ATP2B2: variants seen among roughly 807,000 people sequenced by gnomAD.
The protein encoded by ATP2B2 is plasma membrane calcium-transporting ATPase 2.
In ATP2B2, 15 loss-of-function variants were observed where a neutral mutation model predicts 120.0. That is an observed-to-expected ratio of 0.12 (90% CI 0.08 to 0.19). The LOEUF is 0.19. ATP2B2 is among the 10% of genes least tolerant of loss of function. ATP2B2 has a pLI of 1.00. For synonymous variants in ATP2B2, 694 were observed against 700.3 expected, an observed-to-expected ratio of 0.99 and a Z score of 0.14; for missense variants, 1,045 against 1,719.8, an observed-to-expected ratio of 0.61 and a Z score of 6.94.
intron 2 of ATP2B2, among the ~76,000 whole-genome samples, chr3:10,432,577 C>T (rs1365176538): frequency 6.6e-6 from 1 of 152,254 alleles, no homozygotes; most frequent in African/African-American, 2.4e-5. Context: ...ACTTGCTCAA[C>T]ACTTTCCCCT....
In ATP2B2 at chr3:10,375,838, T is replaced by C. The variant is rs1192555848; in HGVS notation, c.1202-194A>G. ...CTCACCGAGCCTCAGTCTCCTGCTC[T>C]GTACAATGGGGATGCATACTTCCTC... On this transcript the variant is annotated intron_variant, in intron 10 of 22. Coordinates refer to ENST00000360273, the MANE Select transcript of ATP2B2 (RefSeq NM_001001331.4). This position sits in a 1 kb window ranked among gnomAD's most constrained non-coding sequence, Gnocchi z 4.2. Among the ~76,000 whole-genome samples the C allele has an allele frequency of 6.6e-6, 1 of 152,310 alleles. No individual in the cohort carries two copies. The highest frequency in any genetic ancestry group is 1.9e-4 in the East Asian group (1 of 5,178).
intron 1 of ATP2B2, among the ~76,000 whole-genome samples, chr3:10,633,421 C>A (rs73811972): frequency 6.6e-6 from 1 of 152,156 alleles, no homozygotes; most frequent in African/African-American, 2.4e-5. Context: ...AGTCTCACCC[C>A]ACTGGAGAAC....
chr3:10,549,081 G>A (rs564723868), intron 2 of ATP2B2, among the ~76,000 whole-genome samples: 1 of 152,282 alleles, frequency 6.6e-6, no homozygotes, highest in African/African-American at 2.4e-5. Flanking sequence ...TGGGATTGTG[G>A]GGATCAGGTT....
chr3:10,482,325 C>A (rs2065447514), intron 1 of ATP2B2, among the ~76,000 whole-genome samples: 1 of 152,184 alleles, frequency 6.6e-6, no homozygotes. Context: ...AGCACTGGCA[C>A]CCAGCTCTAC....
intron 1 of ATP2B2, among the ~76,000 whole-genome samples, chr3:10,648,715 G>A (rs1207023948): frequency 6.6e-6 from 1 of 152,098 alleles, no homozygotes; most frequent in South Asian, 2.1e-4. Context: ...GACATAACCT[G>A]GGAGAAACTC....
In ATP2B2 at chr3:10,616,642, C is replaced by T. The variant is rs1007430924; in HGVS notation, c.-415+3275G>A. 4.6e-5 allele frequency among the ~76,000 whole-genome samples: 7 copies of T among 152,038 alleles called. No individual in the cohort carries two copies. The South Asian group carries it at 1.5e-3, about 32-fold the overall frequency. ...AAAGAGCACTTTAGAATGAAAAGTG[C>T]CAACATAACCATTTTTCTTATACAG... On this transcript the variant is annotated intron_variant, in intron 2 of 21. Coordinates refer to the ATP2B2 transcript ENST00000646379.
At chr3:10,578,298 C>G (rs553859984) in intron 2 of ATP2B2, among the ~76,000 whole-genome samples, 1 of 152,212 alleles carries the variant, frequency 6.6e-6, no homozygotes, top group South Asian at 2.1e-4. Flanking sequence ...TATGGCCCAG[C>G]AATCCCACTC....
At chr3:10,517,518 A>G (rs4684042) in intron 3 of ATP2B2, among the ~76,000 whole-genome samples, 9,457 of 152,212 alleles carry the variant, frequency 0.062, 484 homozygotes, top group African/African-American at 0.14. Flanking sequence ...CTATAACACT[A>G]TGGACTCATT....
chr3:10,393,762 T>TC (rs56758564), intron 5 of ATP2B2, among the ~76,000 whole-genome samples: 152,314 of 152,314 alleles, frequency 1, 76,157 homozygotes, highest in Non-Finnish European at 1. Flanking sequence ...CAAGCTTCTG[T>TC]CCTGTCCTGG....
At chr3:10,444,340 C>T (rs1414300195) in intron 2 of ATP2B2, among the ~76,000 whole-genome samples, 1 of 152,220 alleles carries the variant, frequency 6.6e-6, no homozygotes, top group Non-Finnish European at 1.5e-5. Flanking sequence ...AATGTGGCAA[C>T]AACACACGGA....
At chr3:10,508,568 T>C (rs1005037687), upstream of ATP2B2, among the ~76,000 whole-genome samples, 36 of 152,224 alleles carry the variant, frequency 2.4e-4, no homozygotes, top group African/African-American at 8.7e-4. Context: ...AACCGAAGCC[T>C]CAAGAAAAAG....
chr3:10,500,662 C>T (rs940438683), intron 1 of ATP2B2, among the ~76,000 whole-genome samples: 1 of 152,270 alleles, frequency 6.6e-6, no homozygotes, highest in African/African-American at 2.4e-5. Flanking sequence ...GCTAGGGAGA[C>T]AAGGGACAGG....
At chr3:10,485,615 C>T (rs1012741376) in intron 1 of ATP2B2, among the ~76,000 whole-genome samples, 1 of 152,174 alleles carries the variant, frequency 6.6e-6, no homozygotes, top group East Asian at 1.9e-4. Context: ...CTGCTCACTG[C>T]CAGATTTTCT....
At chr3:10,377,219 A>G (rs1304180937) in intron 10 of ATP2B2, among the ~76,000 whole-genome samples, 1 of 151,978 alleles carries the variant, frequency 6.6e-6, no homozygotes, top group Non-Finnish European at 1.5e-5. Context: ...GGCGGTGGCG[A>G]TGGCGGTATA....
At chr3:10,465,382 C>G (rs2064691669) in intron 1 of ATP2B2, among the ~76,000 whole-genome samples, 1 of 152,258 alleles carries the variant, frequency 6.6e-6, no homozygotes, top group Admixed American at 6.5e-5. Flanking sequence ...AGCCCTGGGT[C>G]TGATGACAGG....
intron 2 of ATP2B2, among the ~76,000 whole-genome samples, chr3:10,445,852 C>A (rs930598199): frequency 7.2e-5 from 11 of 152,262 alleles, no homozygotes; most frequent in Non-Finnish European, 1.5e-4. Context: ...CAGCCCAGAC[C>A]ACGGAGCTTT....
In ATP2B2 at chr3:10,342,711, T is replaced by C. The variant is rs2060313617; in HGVS notation, c.2917+41A>G. On this transcript the variant is annotated intron_variant, in intron 19 of 22. Transcript: ENST00000360273. This position sits in a 1 kb window ranked among gnomAD's most constrained non-coding sequence, Gnocchi z 4.4. ...GAGCCATGGTGCACCCAGAAGGTGATGACCCCGCCTGGGAGAGGCGTGGGT... is the reference window on the plus strand; with the variant it reads ...GAGCCATGGTGCACCCAGAAGGTGACGACCCCGCCTGGGAGAGGCGTGGGT... 6.2e-7 allele frequency: 1 copy of C among 1,602,932 alleles called. No homozygotes were observed. Among genetic ancestry groups the C allele is most frequent in the Non-Finnish European group, 8.5e-7 (1 of 1,170,554 alleles).
Position 10,400,974 on chromosome 3 carries a change from T to C in ATP2B2, c.760A>G (p.Lys254Glu). Residue 254 changes from lysine (K) to glutamate (E), a missense_variant, in exon 5 of 23, where the codon AAG becomes GAG. Physicochemically the swap from Lys to Glu is moderately conservative, Grantham distance 56 (BLOSUM62 1). Around this residue, in one of 11 missense-constraint regions of ATP2B2, gnomAD observed 145 missense variants for 202.0 expected, o/e 0.72. Coordinates refer to ENST00000360273, the MANE Select transcript of ATP2B2 (RefSeq NM_001001331.4). ...TCACCTGACAGCAGCATGGGGTCCT[T>C]GTCCACGGACTTGCGCACCTGGTCA... ...ESDQVRKSVDKDPMLLSGTHV... is the reference protein window; with the variant it reads ...ESDQVRKSVDEDPMLLSGTHV... The C allele has an allele frequency of 3.7e-6, 6 of 1,614,114 alleles. No individual in the cohort carries two copies. The highest frequency in any genetic ancestry group is 5.1e-6 in the Non-Finnish European group (6 of 1,179,994).
intron 3 of ATP2B2, among the ~76,000 whole-genome samples, chr3:10,529,151 G>T (rs1416117876): frequency 1.3e-5 from 2 of 152,250 alleles, no homozygotes; most frequent in Non-Finnish European, 2.9e-5. Context: ...ACTGATGAGA[G>T]GGAGTAGGGG....
Sources: gnomAD v4.1 joint callset for allele counts (sites outside exome capture counted in the v4.1 genomes callset) on GRCh38, gnomAD v4.1.1 for gene constraint, gnomAD v4.1.1 regional missense constraint, Gnocchi (gnomAD v3.1) non-coding constraint, MANE v1.5 for transcripts, NCBI Gene and HGNC (gene_info 2026-07-23, HGNC 2026-07-21) for gene names.